TANC1: variants seen among roughly 807,000 people sequenced by gnomAD.
TANC1 encodes tetratricopeptide repeat, ankyrin repeat and coiled-coil containing 1.
In TANC1, 77 loss-of-function variants were observed where a neutral mutation model predicts 149.7. That is an observed-to-expected ratio of 0.51 (90% CI 0.43 to 0.62). The LOEUF (loss-of-function observed/expected upper bound fraction) is 0.62. TANC1 is among the 20% of genes least tolerant of loss of function. The pLI is 0.00. For missense variants in TANC1, 1,985 were observed against 2,321.8 expected (o/e 0.85, Z 2.98); for synonymous variants, 854 against 925.0 (o/e 0.92, Z 1.39).
At chr2:159,159,735 A>T (rs868832994) in intron 7 of TANC1, among the ~76,000 whole-genome samples, 23,638 of 144,092 alleles carry the variant, frequency 0.16, 2,469 homozygotes, top group Middle Eastern at 0.27. Context: ...AGAGAGAGAG[A>T]GAGAGAGAGA....
rs2042615694 is a variant in TANC1 at position 159,065,926 on chromosome 2, C to T, written c.16C>T (p.Leu6=). The part of the protein sequence containing the change: MLKAV[L]KKSREGGKGG... Reference sequence around the variant, plus strand: ...AGTGTTGAAAATGTTAAAGGCTGTGCTGAAGAAGAGCCGAGAGGGAGGAAA... The same window carrying T: ...AGTGTTGAAAATGTTAAAGGCTGTGTTGAAGAAGAGCCGAGAGGGAGGAAA... Residue 6 remains leucine (L), a synonymous_variant, in exon 3 of 27, where the codon CTG becomes TTG. Coordinates refer to ENST00000263635, the MANE Select transcript of TANC1 (RefSeq NM_033394.3). 5.0e-6 allele frequency: 8 copies of T among 1,613,752 alleles called. No individual in the cohort carries two copies. The highest frequency in any genetic ancestry group is 4.5e-5 in the East Asian group (2 of 44,886).
chr2:159,149,044 A>G, intron 5 of TANC1, 98 bp from the exon 6 acceptor site: 1 of 1,400,852 alleles, frequency 7.1e-7, no homozygotes, highest in Admixed American at 2.3e-5. Context: ...AGAAACACAC[A>G]AAATCACCAG....
intron 1 of TANC1, among the ~76,000 whole-genome samples, chr2:158,993,947 C>T (rs2035912953): frequency 6.6e-6 from 1 of 152,190 alleles, no homozygotes; most frequent in African/African-American, 2.4e-5. Flanking sequence ...GACACTATCA[C>T]TCTGGTCATT....
At chr2:159,172,804 C>T (rs1032582121) in intron 11 of TANC1, among the ~76,000 whole-genome samples, 1 of 152,224 alleles carries the variant, frequency 6.6e-6, no homozygotes, top group East Asian at 1.9e-4. Context: ...CAACCGCACT[C>T]CTGCATTAAA....
intron 4 of TANC1, among the ~76,000 whole-genome samples, chr2:159,132,318 G>C (rs1292172118): frequency 6.6e-6 from 1 of 152,112 alleles, no homozygotes; most frequent in African/African-American, 2.4e-5. Flanking sequence ...TTTCGTATGT[G>C]ACATTACTGT....
chr2:158,992,809 C>T (rs188440065), intron 1 of TANC1, among the ~76,000 whole-genome samples: 14 of 152,066 alleles, frequency 9.2e-5, no homozygotes, highest in East Asian at 3.9e-4. Context: ...CATGAGCCAC[C>T]GCTCCCGGAC....
chr2:159,150,042 A>G (rs957613016), intron 6 of TANC1: 2 of 216,858 alleles, frequency 9.2e-6, no homozygotes, highest in Admixed American at 1.1e-4. Context: ...CTTCAAATGA[A>G]AGGAAGTCTG....
chr2:159,070,337 C>T (rs264653), intron 3 of TANC1, among the ~76,000 whole-genome samples: 105,899 of 151,832 alleles, frequency 0.7, 37,122 homozygotes, highest in Non-Finnish European at 0.73. Context: ...CCCCCACACA[C>T]GCATAGCTTC....
chr2:159,158,613 A>C (rs574710134), intron 7 of TANC1, among the ~76,000 whole-genome samples: 80 of 152,364 alleles, frequency 5.3e-4, no homozygotes, highest in African/African-American at 1.9e-3. Flanking sequence ...TAATAAACCA[A>C]GATTTTTCCT....
intron 2 of TANC1, among the ~76,000 whole-genome samples, chr2:159,053,503 G>A (rs1384772392): frequency 1.3e-5 from 2 of 152,210 alleles, no homozygotes; most frequent in East Asian, 1.9e-4. Flanking sequence ...GCTCTCCACT[G>A]CAGTATCACT....
At chr2:159,062,752 G>C in intron 2 of TANC1, among the ~76,000 whole-genome samples, 1 of 151,674 alleles carries the variant, frequency 6.6e-6, no homozygotes, top group Non-Finnish European at 1.5e-5. Flanking sequence ...TGGATCATGA[G>C]GTCAGGAGAT....
intron 3 of TANC1, among the ~76,000 whole-genome samples, chr2:159,087,444 G>A (rs971696475): frequency 1.4e-5 from 2 of 146,026 alleles, no homozygotes; most frequent in Non-Finnish European, 3.0e-5. Flanking sequence ...AAGTTTTGTA[G>A]ATGTTGCTTT....
chr2:159,173,462 A>G (rs1329734411), intron 11 of TANC1, among the ~76,000 whole-genome samples: 1 of 152,120 alleles, frequency 6.6e-6, no homozygotes, highest in Non-Finnish European at 1.5e-5. Flanking sequence ...AAAATTAGCC[A>G]GGCATGGTGC....
Position 159,103,584 on chromosome 2 carries a change from T to C in TANC1, c.259+5750T>C, listed in dbSNP as rs1407172274. ...AGACTGTGTCGGGAATTATGACAGC[T>C]GAGTCAGATCAAGTTCATGGTCAGA... On this transcript the variant is annotated intron_variant, in intron 4 of 26. Coordinates refer to ENST00000263635, the MANE Select transcript of TANC1 (RefSeq NM_033394.3). Among the ~76,000 whole-genome samples, 5 of 96,944 alleles carry C rather than the reference T, an allele frequency of 5.2e-5. 2 individuals are homozygous for C. The highest frequency in any genetic ancestry group is 8.6e-5 in the Non-Finnish European group (3 of 34,700). The allele number at this position is 96,944 out of a possible 152,430, so 63.6% of individuals were successfully genotyped here.
chr2:159,164,978 A>G (rs114429614), intron 8 of TANC1, among the ~76,000 whole-genome samples: 345 of 152,324 alleles, frequency 2.3e-3, no homozygotes, highest in Non-Finnish European at 4.0e-3. Context: ...CCACTTTAAC[A>G]GAGTATGTGG....
chr2:159,000,728 C>A (rs567755434), intron 1 of TANC1, among the ~76,000 whole-genome samples: 1 of 151,630 alleles, frequency 6.6e-6, no homozygotes, highest in Non-Finnish European at 1.5e-5. Context: ...AGGGGGTGTG[C>A]GAGCCGGAAG....
intron 19 of TANC1, among the ~76,000 whole-genome samples, chr2:159,211,538 G>A (rs543213110): frequency 3.3e-5 from 5 of 152,330 alleles, no homozygotes; most frequent in African/African-American, 9.6e-5. Flanking sequence ...AGCACCAGAG[G>A]TCGGCCTTTG....
At chr2:159,220,858 A>G (rs547588016) in intron 22 of TANC1, among the ~76,000 whole-genome samples, 8 of 152,360 alleles carry the variant, frequency 5.3e-5, no homozygotes, top group Non-Finnish European at 1.2e-4. Context: ...GTAGGATTAC[A>G]GGCATGAGCC....
rs370745760 is a variant in TANC1 at position 159,224,282 on chromosome 2, C to T, written c.3729C>T (p.Ser1243=). Residue 1243 remains serine (S), a synonymous_variant, in exon 23 of 27, where the codon AGC becomes AGT. Transcript: ENST00000263635. ...CCGTGATCGAGCATGTGGACCACAG[C>T]GGGATGCGGCCCTTGGACAGAGCCA... ...KGAVIEHVDH[S]GMRPLDRAIG... 2.2e-5 allele frequency: 35 copies of T among 1,614,056 alleles called. No homozygotes were observed. The highest frequency in any genetic ancestry group is 5.3e-5 in the African/African-American group (4 of 74,908).
Sources: allele counts gnomAD v4.1 joint callset (sites outside exome capture counted in the v4.1 genomes callset), GRCh38; gene constraint gnomAD v4.1.1; transcripts MANE v1.5; gene names NCBI Gene and HGNC (gene_info 2026-07-23, HGNC 2026-07-21).